Variants in KLHL29 observed in about 807,000 individuals in gnomAD.
KLHL29 encodes the protein kelch like family member 29.
A neutral mutation model predicts 80.4 loss-of-function variants in KLHL29; 21 were observed. That is an observed-to-expected ratio of 0.26 (90% confidence interval 0.19 to 0.38). The LOEUF is 0.38. Ranked by LOEUF, KLHL29 falls within the 10% of genes least tolerant of loss-of-function variation. KLHL29 has a pLI of 1.00. For synonymous variants in KLHL29, 511 were observed against 526.8 expected (o/e 0.97, Z 0.41); for missense variants, 867 against 1,223.9 (o/e 0.71, Z 4.35).
chr2:23,691,939 A>C, intron 7 of KLHL29, 63 bp downstream of exon 7: 1 of 1,486,152 alleles, frequency 6.7e-7, no homozygotes, highest in Non-Finnish European at 9.1e-7. Flanking sequence ...AGAACTCCAT[A>C]AACAGCAAGG....
chr2:23,401,810 C>G (rs531686093), intron 1 of KLHL29, among the ~76,000 whole-genome samples: 1 of 152,324 alleles, frequency 6.6e-6, no homozygotes, highest in South Asian at 2.1e-4. Context: ...GAAGGCTCTG[C>G]CAGGTTCAGA....
At chr2:23,634,850 C>A (rs1433054389) in intron 3 of KLHL29, among the ~76,000 whole-genome samples, 1 of 152,190 alleles carries the variant, frequency 6.6e-6, no homozygotes, top group African/African-American at 2.4e-5. Flanking sequence ...CTGGAATCCA[C>A]CCTGTGCATT....
intron 3 of KLHL29, among the ~76,000 whole-genome samples, chr2:23,579,887 C>T (rs756901347): frequency 1.3e-5 from 2 of 152,198 alleles, no homozygotes; most frequent in Non-Finnish European, 2.9e-5. Context: ...GTGAGTTCAG[C>T]TGGAGCATGT....
At chr2:23,560,606 G>A (rs1431960578) in intron 2 of KLHL29, among the ~76,000 whole-genome samples, 3 of 152,218 alleles carry the variant, frequency 2.0e-5, no homozygotes, top group South Asian at 2.1e-4. Flanking sequence ...GTGTCATGGT[G>A]TAAGCCAGAA....
chr2:23,492,207 C>T (rs1665123720), intron 2 of KLHL29, among the ~76,000 whole-genome samples: 1 of 152,252 alleles, frequency 6.6e-6, no homozygotes, highest in Non-Finnish European at 1.5e-5. Flanking sequence ...GCCTCTTCCA[C>T]ATGGTCTCCT....
At chr2:23,526,982 G>T (rs1357703437) in intron 2 of KLHL29, among the ~76,000 whole-genome samples, 2 of 152,174 alleles carry the variant, frequency 1.3e-5, no homozygotes, top group Non-Finnish European at 2.9e-5. Context: ...AGCATGGTGG[G>T]CTGAGCAGTG....
chr2:23,607,611 C>T (rs1037442467), intron 3 of KLHL29, among the ~76,000 whole-genome samples: 9 of 152,236 alleles, frequency 5.9e-5, no homozygotes, highest in Admixed American at 3.9e-4. Context: ...TGTTAGGAAA[C>T]AGGTGCACAG....
chr2:23,406,993 C>CTA (rs1202649665), intron 1 of KLHL29, among the ~76,000 whole-genome samples: 3 of 152,144 alleles, frequency 2.0e-5, no homozygotes, highest in Non-Finnish European at 4.4e-5. Context: ...TGGGATCGTA[C>CTA]TATATATATC....
intron 2 of KLHL29, among the ~76,000 whole-genome samples, chr2:23,494,053 A>G (rs1665185073): frequency 6.6e-6 from 1 of 152,220 alleles, no homozygotes; most frequent in African/African-American, 2.4e-5. Flanking sequence ...CATCTACTCA[A>G]TGGAAAATCT....
intron 1 of KLHL29, among the ~76,000 whole-genome samples, chr2:23,434,747 G>A (rs903181231): frequency 4.6e-5 from 7 of 152,222 alleles, no homozygotes; most frequent in Admixed American, 3.9e-4. Flanking sequence ...ATAATGGGGC[G>A]AGGCTGGCTA....
At chr2:23,456,948 C>A (rs1000646175) in intron 1 of KLHL29, among the ~76,000 whole-genome samples, 1 of 152,134 alleles carries the variant, frequency 6.6e-6, no homozygotes, top group Non-Finnish European at 1.5e-5. Context: ...TAGGGTTGCT[C>A]CAGGTCACAC....
intron 2 of KLHL29, among the ~76,000 whole-genome samples, chr2:23,496,531 A>G (rs1411932666): frequency 2.6e-5 from 4 of 152,078 alleles, no homozygotes; most frequent in Admixed American, 2.6e-4. Flanking sequence ...TCCCCCAAAA[A>G]GGGTACCCCG....
intron 2 of KLHL29, among the ~76,000 whole-genome samples, chr2:23,558,701 G>A (rs182808809): frequency 6.6e-6 from 1 of 152,348 alleles, no homozygotes; most frequent in East Asian, 1.9e-4. Context: ...CCCACGCCCA[G>A]GCTAAGGTAG....
intron 3 of KLHL29, among the ~76,000 whole-genome samples, chr2:23,621,224 G>A (rs1669174317): frequency 6.6e-6 from 1 of 152,226 alleles, no homozygotes; most frequent in Admixed American, 6.5e-5. Flanking sequence ...CAGAGCCCCA[G>A]GTCCCACCCA....
At chr2:23,551,595 T>C (rs1667131545) in intron 2 of KLHL29, among the ~76,000 whole-genome samples, 1 of 152,256 alleles carries the variant, frequency 6.6e-6, no homozygotes. Context: ...TTTTAGATCA[T>C]GTATTAAGCC....
chr2:23,404,135 C>T (rs989998933), intron 1 of KLHL29, among the ~76,000 whole-genome samples: 8 of 152,108 alleles, frequency 5.3e-5, no homozygotes, highest in South Asian at 2.1e-4. Flanking sequence ...GAACGAAATG[C>T]GTTTTGCTTC....
At chr2:23,480,297 G>C (rs929696745) in intron 2 of KLHL29, among the ~76,000 whole-genome samples, 2 of 152,138 alleles carry the variant, frequency 1.3e-5, no homozygotes, top group Admixed American at 1.3e-4. Context: ...GACCAGCCTG[G>C]CCAACATGGT....
chr2:23,639,135 A>T lies in KLHL29; in HGVS notation c.286-4A>T. ...ATGCTCACCTCCTCATCTGCTTCCC[A>T]CAGGCTCCCGGCATCTCCAAAGGGG... On this transcript the variant is annotated splice_region_variant and splice_polypyrimidine_tract_variant and intron_variant, in intron 3 of 13. Transcript: ENST00000486442. 1 of 1,527,040 alleles carries T rather than the reference A, an allele frequency of 6.5e-7. No homozygotes were observed. The highest frequency in any genetic ancestry group is 1.3e-5 in the South Asian group (1 of 79,982). 94.6% of individuals were successfully genotyped at this position (1,527,040 alleles called of 1,614,324 possible). A position where few individuals can be genotyped will look rare whatever the true frequency, so the allele number is the denominator to read the frequency against.
intron 3 of KLHL29, among the ~76,000 whole-genome samples, chr2:23,606,171 C>T (rs1188047940): frequency 6.4e-5 from 5 of 77,828 alleles, no homozygotes; most frequent in African/African-American, 2.1e-4. Flanking sequence ...TGTGTGTGTG[C>T]GTGAGAGAGA....
Sources: gnomAD v4.1 joint callset for allele counts (sites outside exome capture counted in the v4.1 genomes callset) on GRCh38, gnomAD v4.1.1 for gene constraint, MANE v1.5 for transcripts, NCBI Gene and HGNC (gene_info 2026-07-23, HGNC 2026-07-21) for gene names.